Variants in NOD2 observed in about 807,000 individuals in gnomAD.
NOD2 encodes nucleotide binding oligomerization domain containing 2.
Under a neutral mutation model 90.9 loss-of-function variants are expected in NOD2, and 86 were observed. That is an observed-to-expected ratio of 0.95 (90% confidence interval 0.79 to 1.13). NOD2 has a LOEUF of 1.13. Among genes scored for constraint, NOD2 ranks in the 50% most tolerant of loss-of-function variants. The probability of loss-of-function intolerance (pLI) is 0.00; values close to 1 mark genes in which losing one functional copy is unlikely to be tolerated. For missense variants in NOD2, 1,238 were observed against 1,283.8 expected, an observed-to-expected ratio of 0.96 and a Z score of 0.55; for synonymous variants, 581 against 554.6, an observed-to-expected ratio of 1.05 and a Z score of -0.67.
At chr16:50,694,618 T>A (rs1278301620) in intron 1 of NOD2, among the ~76,000 whole-genome samples, 1 of 152,222 alleles carries the variant, frequency 6.6e-6, no homozygotes, top group Non-Finnish European at 1.5e-5. Flanking sequence ...AGGTGGCTTT[T>A]TAGTGCCTTG....
chr16:50,719,895 T>TGGGC (rs1596892651), intron 6 of NOD2, 30 bp from the exon 7 acceptor site: 2 of 1,602,262 alleles, frequency 1.2e-6, no homozygotes, highest in East Asian at 4.5e-5. Context: ...GCCGCTGTGT[T>TGGGC]CTCTCAGCCT....
chr16:50,698,778 GC>G (rs1278824902), intron 1 of NOD2, among the ~76,000 whole-genome samples: 2 of 152,164 alleles, frequency 1.3e-5, no homozygotes, highest in Admixed American at 6.5e-5. Context: ...ACTTAGAATG[GC>G]ACTTGGTGTG....
chr16:50,699,605 A>AGGTCCTCTCCTGGGAGGACTACGAG lies in NOD2; in HGVS notation c.113_137dup (p.Phe47ProfsTer30). The AGGTCCTCTCCTGGGAGGACTACGAG allele has an allele frequency of 6.2e-7, 1 of 1,614,008 alleles. No individual in the cohort carries two copies. The highest frequency in any genetic ancestry group is 8.5e-7 in the Non-Finnish European group (1 of 1,179,982). Reference sequence around the variant, plus strand: ...GTCCTGGACTGGCTGCTGTCCTGGGAGGTCCTCTCCTGGGAGGACTACGAG... The same window carrying AGGTCCTCTCCTGGGAGGACTACGAG: ...GTCCTGGACTGGCTGCTGTCCTGGGAGGTCCTCTCCTGGGAGGACTACGAGGGTCCTCTCCTGGGAGGACTACGAG... On this transcript the variant is annotated frameshift_variant, in exon 2 of 12. Coordinates refer to ENST00000647318, the MANE Select transcript of NOD2 (RefSeq NM_001370466.1). LOFTEE classifies it high-confidence loss of function.
intron 1 of NOD2, among the ~76,000 whole-genome samples, 190 bp downstream of exon 1, chr16:50,693,852 G>A (rs954396463): frequency 4.6e-5 from 7 of 152,122 alleles, no homozygotes; most frequent in African/African-American, 1.7e-4. Context: ...GGGGCATCTC[G>A]AGGTTGGGGA....
intron 2 of NOD2, among the ~76,000 whole-genome samples, chr16:50,707,305 A>G (rs1037773257): frequency 6.6e-6 from 1 of 152,210 alleles, no homozygotes; most frequent in African/African-American, 2.4e-5. Flanking sequence ...AAAGGGGTTA[A>G]TATTAGCCAA....
chr16:50,729,886 C>G lies in NOD2; in HGVS notation c.2954C>G (p.Thr985Ser), dbSNP rs1965395105. Residue 985 changes from threonine to serine, a missense_variant, in exon 11 of 12, where the codon ACC (threonine) becomes AGC (serine). Thr to Ser is a moderately conservative substitution (Grantham distance 58). Coordinates refer to ENST00000647318, the MANE Select transcript of NOD2 (RefSeq NM_001370466.1). ...ALLQALERND[T>S]ILEVWLRGNT... ...CTGCAGGCCCTTGAAAGGAATGACA[C>G]CATCCTGGAAGTCTGGTAAGGCCCC... is the stretch of plus-strand genomic sequence containing the variant. 1 of 1,612,796 alleles carries G rather than the reference C, an allele frequency of 6.2e-7. No individual in the cohort carries two copies. The highest frequency in any genetic ancestry group is 8.5e-7 in the Non-Finnish European group (1 of 1,178,958).
intron 10 of NOD2, chr16:50,728,291 A>C (rs929605435): frequency 5.6e-5 from 19 of 341,476 alleles, no homozygotes; most frequent in Admixed American, 3.2e-5. Flanking sequence ...TCTCCTTCGC[A>C]AAACTTCTTG....
chr16:50,711,624 G>T lies in NOD2; in HGVS notation c.1632G>T (p.Gln544His). Residue 544 changes from glutamine to histidine, a missense_variant, in exon 4 of 12, where the codon CAG (glutamine) becomes CAT (histidine). Coordinates refer to ENST00000647318, the MANE Select transcript of NOD2 (RefSeq NM_001370466.1). ...ACGTGTTCTCAGCCCAGCAGCTCCAGGCAGCACAGGTCAGCCCTGATGACA... is the reference window on the plus strand; with the variant it reads ...ACGTGTTCTCAGCCCAGCAGCTCCATGCAGCACAGGTCAGCCCTGATGACA... ...CCYVFSAQQL[Q>H]AAQVSPDDIS... 1 of 1,612,268 alleles carries T rather than the reference G, an allele frequency of 6.2e-7. No individual in the cohort carries two copies. The highest frequency in any genetic ancestry group is 8.5e-7 in the Non-Finnish European group (1 of 1,180,000).
chr16:50,729,943 A>C, intron 11 of NOD2, 42 bp downstream of exon 11: 10 of 1,461,050 alleles, frequency 6.8e-6, no homozygotes, highest in Non-Finnish European at 9.6e-6. Flanking sequence ...TCCGAACCTC[A>C]GTTTTTCTAT....
At chr16:50,707,790 G>T (rs1964265711) in intron 2 of NOD2, 65 bp from the exon 3 acceptor site, 1 of 1,129,030 alleles carries the variant, frequency 8.9e-7, no homozygotes, top group Non-Finnish European at 1.4e-6. Flanking sequence ...GCAGTAATCA[G>T]TAAGCCTTCC....
In NOD2 at chr16:50,729,834, A is replaced by G. The variant is rs768835583; in HGVS notation, c.2902A>G (p.Ile968Val). Residue 968 changes from isoleucine (I) to valine (V), a missense_variant, in exon 11 of 12, where the codon ATC (isoleucine) becomes GTC (valine). Coordinates refer to ENST00000647318, the MANE Select transcript of NOD2 (RefSeq NM_001370466.1). ...CTTTTCCAGGTTGTCCAATAACTGC[A>G]TCACCTACCTAGGGGCAGAAGCCCT... ...LKILKLSNNCITYLGAEALLQ... is the reference protein window; with the variant it reads ...LKILKLSNNCVTYLGAEALLQ... The G allele has an allele frequency of 1.9e-6, 3 of 1,612,898 alleles. No homozygotes were observed. In the South Asian group the frequency reaches 3.3e-5, roughly 18 times the overall value.
At chr16:50,720,867 C>T (rs150143485) in intron 7 of NOD2, among the ~76,000 whole-genome samples, 5 of 151,966 alleles carry the variant, frequency 3.3e-5, no homozygotes, top group East Asian at 1.9e-4. Context: ...TGCAGTGGCA[C>T]GATCTTGGCT....
chr16:50,723,183 A>T, intron 8 of NOD2, 118 bp from the exon 9 acceptor site: 1 of 712,158 alleles, frequency 1.4e-6, no homozygotes, highest in Non-Finnish European at 2.5e-6. Context: ...GCAATCAATT[A>T]GTGATGTCTG....
chr16:50,700,051 T>A lies in NOD2; in HGVS notation c.459+97T>A, dbSNP rs1963867740. 4.9e-6 allele frequency: 6 copies of A among 1,218,422 alleles called. No homozygotes were observed. In the East Asian group the frequency reaches 1.0e-4, roughly 20 times the overall value. 75.5% of individuals were successfully genotyped at this position (1,218,422 alleles called of 1,614,324 possible). A position where few individuals can be genotyped will look rare whatever the true frequency, so the allele number is the denominator to read the frequency against. On this transcript the variant is annotated intron_variant, in intron 2 of 11. Transcript: ENST00000647318. ...TCATGAAGTCAGCCTGTGGGGTAAC[T>A]TGGTCCATGGGATTTCCCCTAAAAA...
intron 2 of NOD2, among the ~76,000 whole-genome samples, chr16:50,705,973 T>C (rs983307774): frequency 6.6e-6 from 1 of 152,166 alleles, no homozygotes; most frequent in Non-Finnish European, 1.5e-5. Context: ...TGATAAGTGC[T>C]GTAGAAAGTA....
chr16:50,709,635 G>A (rs375503739), intron 3 of NOD2, among the ~76,000 whole-genome samples: 1 of 152,098 alleles, frequency 6.6e-6, no homozygotes, highest in Non-Finnish European at 1.5e-5. Flanking sequence ...GGGGCACCCC[G>A]GTGACCCCGA....
In NOD2 at chr16:50,710,964, G is replaced by A; in HGVS notation, c.972G>A (p.Glu324=). The A allele has an allele frequency of 6.2e-7, 1 of 1,614,228 alleles. No individual in the cohort carries two copies. Among genetic ancestry groups the A allele is most frequent in the Non-Finnish European group, 8.5e-7 (1 of 1,180,044 alleles). ...KPLSVRTLLF[E]HCCWPDVGQE... ...TCTCTGTGCGGACTCTACTCTTTGA[G>A]CACTGCTGTTGGCCTGATGTTGGTC... Residue 324 remains glutamate (E), a synonymous_variant, in exon 4 of 12, where the codon GAG becomes GAA. Transcript: ENST00000647318.
intron 4 of NOD2, chr16:50,712,575 T>A: frequency 1.5e-6 from 1 of 662,380 alleles, no homozygotes; most frequent in Non-Finnish European, 2.6e-6. Flanking sequence ...CTGGCCTATG[T>A]GCTGGGTCTG....
chr16:50,727,762 C>T lies in NOD2; in HGVS notation c.2886-2056C>T, dbSNP rs147642146. The stretch of plus-strand genomic sequence containing the variant: ...TTGGACCCTTTCTGTTGACGAATGC[C>T]GGCTGCAGGTGTTGCAGTTTTCAGT... On this transcript the variant is annotated intron_variant, in intron 10 of 11. Coordinates refer to ENST00000647318, the MANE Select transcript of NOD2 (RefSeq NM_001370466.1). 3.6e-3 allele frequency: 1,221 copies of T among 339,182 alleles called. 3 individuals are homozygous for T. Among genetic ancestry groups the T allele is most frequent in the Non-Finnish European group, 4.8e-3 (814 of 170,442 alleles). 21.0% of individuals were successfully genotyped at this position (339,182 alleles called of 1,614,324 possible).
Sources: allele counts gnomAD v4.1 joint callset (sites outside exome capture counted in the v4.1 genomes callset), GRCh38; gene constraint gnomAD v4.1.1; transcripts MANE v1.5; gene names NCBI Gene and HGNC (gene_info 2026-07-23, HGNC 2026-07-21).